The following TARBP1 variants were observed in gnomAD, a reference collection of about 807,000 sequenced individuals.
The protein encoded by TARBP1 is tRNA guanosine 2 -O-methyltransferase TARBP1.
Under a neutral mutation model 178.6 loss-of-function variants are expected in TARBP1, and 144 were observed. The ratio of observed to expected loss-of-function variants is 0.81; its 90% confidence interval spans 0.70 to 0.93. TARBP1 has a LOEUF of 0.93. TARBP1 is among the 40% of genes least tolerant of loss of function. TARBP1 has a pLI of 0.00. For missense variants in TARBP1, 2,067 were observed against 2,011.7 expected (o/e 1.03, Z -0.53); for synonymous variants, 787 against 781.0 (o/e 1.01, Z -0.13).
At chr1:234,417,329 CAG>C (rs1438842358) in intron 22 of TARBP1, among the ~76,000 whole-genome samples, 1 of 151,048 alleles carries the variant, frequency 6.6e-6, no homozygotes, top group Non-Finnish European at 1.5e-5. Flanking sequence ...AAACAGGTCA[CAG>C]GGGATAGATG....
Position 234,459,229 on chromosome 1 carries a change from C to T in TARBP1, c.1632+1G>A. On this transcript the variant is annotated splice_donor_variant, in intron 8 of 29. Transcript: ENST00000040877. LOFTEE classifies it high-confidence loss of function. ...ATGGAAGTAACAAAAGAAAAACTTA[C>T]CACATCTAGCAAATTCATAGCTGTT... 6.2e-7 allele frequency: 1 copy of T among 1,605,430 alleles called. No individual in the cohort carries two copies. The highest frequency in any genetic ancestry group is 1.1e-5 in the South Asian group (1 of 89,106).
At position 234,429,397 on chromosome 1, in the gene TARBP1, A is replaced by C; in HGVS notation, c.2871+19T>G. The C allele has an allele frequency of 1.3e-6, 2 of 1,593,046 alleles. No individual in the cohort carries two copies. Among genetic ancestry groups the C allele is most frequent in the Non-Finnish European group, 8.5e-7 (1 of 1,173,052 alleles). ...CACTCCTATAGTTACTGTTCAATTC[A>C]TGTTTCACTCTATCTTACCTTGGGA... On this transcript the variant is annotated intron_variant, in intron 16 of 29. Coordinates refer to ENST00000040877, the MANE Select transcript of TARBP1 (RefSeq NM_005646.4).
chr1:234,474,376 T>A (rs537062928), intron 1 of TARBP1, among the ~76,000 whole-genome samples: 2 of 149,976 alleles, frequency 1.3e-5, no homozygotes, highest in East Asian at 3.9e-4. Flanking sequence ...TCCAGGAAGT[T>A]CAATATCTAA....
At chr1:234,418,657 G>A (rs1381462524) in intron 21 of TARBP1, among the ~76,000 whole-genome samples, 1 of 152,176 alleles carries the variant, frequency 6.6e-6, no homozygotes, top group Non-Finnish European at 1.5e-5. Context: ...CAGAGGGGCA[G>A]GTCTTGGGCC....
At chr1:234,419,989 A>C (rs1346883340) in intron 21 of TARBP1, among the ~76,000 whole-genome samples, 1 of 152,230 alleles carries the variant, frequency 6.6e-6, no homozygotes, top group Non-Finnish European at 1.5e-5. Context: ...TAGGGAGGAC[A>C]GTAGGAAATT....
chr1:234,446,988 A>G lies in TARBP1; in HGVS notation c.1962-13T>C. On this transcript the variant is annotated splice_polypyrimidine_tract_variant and intron_variant, in intron 11 of 29. Coordinates refer to ENST00000040877, the MANE Select transcript of TARBP1 (RefSeq NM_005646.4). ...TCTCTGCTTTCCGCTAGACATTAAA[A>G]GACATGCCAAAATCAACCATTTCAA... The G allele has an allele frequency of 6.2e-7, 1 of 1,610,644 alleles. No individual in the cohort carries two copies.
At chr1:234,392,792 G>A (rs1659523683) in intron 28 of TARBP1, 1 of 236,642 alleles carries the variant, frequency 4.2e-6, no homozygotes, top group Non-Finnish European at 8.1e-6. Flanking sequence ...CTCACTGCAA[G>A]CTCCGCCTCC....
At chr1:234,452,970 G>A (rs889925349) in intron 9 of TARBP1, among the ~76,000 whole-genome samples, 17 of 152,108 alleles carry the variant, frequency 1.1e-4, no homozygotes, top group African/African-American at 3.6e-4. Context: ...GAAAAGGCTG[G>A]GTCCTGTATG....
Position 234,463,883 on chromosome 1 carries a change from C to T in TARBP1, c.1353G>A (p.Gln451=). Residue 451 remains glutamine (Q), a synonymous_variant, in exon 6 of 30, where the codon CAG becomes CAA. Transcript: ENST00000040877. ...GAGAAATATAAGTGACTAAAAACTT[C>T]TGTAATTTCAGTCCCAATGGAGAAC... ...GSCSPLGLKL[Q]KFLVTYISLL... is the part of the protein sequence containing the mutation. 1 of 1,599,256 alleles carries T rather than the reference C, an allele frequency of 6.3e-7. No homozygotes were observed. Among genetic ancestry groups the T allele is most frequent in the Non-Finnish European group, 8.5e-7 (1 of 1,172,666 alleles).
chr1:234,476,016 T>A (rs1488650984), intron 1 of TARBP1, among the ~76,000 whole-genome samples: 1 of 151,202 alleles, frequency 6.6e-6, no homozygotes, highest in Non-Finnish European at 1.5e-5. Context: ...ACTGTTATTA[T>A]AGTAAGACAT....
At chr1:234,465,514 T>C (rs934056668) in intron 5 of TARBP1, 142 bp downstream of exon 5, 13 of 662,708 alleles carry the variant, frequency 2.0e-5, no homozygotes, top group African/African-American at 1.7e-4. Context: ...GAATAACAGA[T>C]AGAAAAAGGA....
chr1:234,471,137 C>G (rs775177212), intron 3 of TARBP1, 51 bp downstream of exon 3: 26 of 1,360,794 alleles, frequency 1.9e-5, no homozygotes, highest in Middle Eastern at 2.3e-4. Flanking sequence ...GTTACAAAAT[C>G]AGGGGAAAAC....
chr1:234,461,231 GTAAGA>G (rs1667823439), intron 6 of TARBP1, among the ~76,000 whole-genome samples: 1 of 152,202 alleles, frequency 6.6e-6, no homozygotes, highest in African/African-American at 2.4e-5. Context: ...TCCTAGTTTA[GTAAGA>G]TAAGTATTCT....
chr1:234,430,397 T>C (rs1664303505), intron 14 of TARBP1, 96 bp from the exon 15 acceptor site: 1 of 1,092,090 alleles, frequency 9.2e-7, no homozygotes. Context: ...AAGCTCTCCT[T>C]TTCCCTCTTC....
Position 234,420,781 on chromosome 1 carries a change from T to C in TARBP1, c.3476A>G (p.Tyr1159Cys), listed in dbSNP as rs374078938. ...TCTGTGCTGTAGAGAATTCACATAG[T>C]AGCGTTTTTTGGACTTGGACACTAA... is the stretch of plus-strand genomic sequence containing the variant. ...DELVSKSKKRYYVNSLQHRVK... is the reference protein window; with the variant it reads ...DELVSKSKKRCYVNSLQHRVK... The change falls in exon 21 of 30, where the codon TAC (tyrosine) becomes TGC (cysteine). Residue 1159 changes from tyrosine to cysteine, a missense_variant. Tyr to Cys is a radical substitution (Grantham distance 194). Transcript: ENST00000040877. 2.5e-6 allele frequency: 4 copies of C among 1,610,832 alleles called. No homozygotes were observed. The highest frequency in any genetic ancestry group is 2.7e-5 in the African/African-American group (2 of 74,764).
intron 20 of TARBP1, among the ~76,000 whole-genome samples, 166 bp downstream of exon 20, chr1:234,425,505 CCA>C (rs1207500664): frequency 6.6e-6 from 1 of 152,148 alleles, no homozygotes; most frequent in Non-Finnish European, 1.5e-5. Context: ...CAGGCGTGAG[CCA>C]CAGTGTGACC....
At position 234,465,438 on chromosome 1, in the gene TARBP1, C is replaced by T. The variant is rs1668334490; in HGVS notation, c.1301+218G>A. Among the ~76,000 whole-genome samples, 3 of 151,974 alleles carry T rather than the reference C, an allele frequency of 2.0e-5. No individual in the cohort carries two copies. The South Asian group carries it at 6.2e-4, about 32-fold the overall frequency. On this transcript the variant is annotated intron_variant, in intron 5 of 29. Coordinates refer to ENST00000040877, the MANE Select transcript of TARBP1 (RefSeq NM_005646.4). ...CCAACAGCCCAAGAATAGAGCAGCT[C>T]AAGGCAGAAAAAGGAAACAAGAAAA...
At chr1:234,412,679 T>A (rs1284455356) in intron 22 of TARBP1, among the ~76,000 whole-genome samples, 1 of 151,760 alleles carries the variant, frequency 6.6e-6, no homozygotes, top group African/African-American at 2.4e-5. Flanking sequence ...ACACATGAAC[T>A]GAGATGTGAA....
At position 234,479,055 on chromosome 1, in the gene TARBP1, G is replaced by C. The variant is rs776928794; in HGVS notation, c.49C>G (p.Arg17Gly). The change falls in exon 1 of 30, where the codon CGG becomes GGG. Residue 17 changes from arginine (R) to glycine (G), a missense_variant. Arg to Gly is a moderately radical substitution (Grantham distance 125). Transcript: ENST00000040877. ...TGGCACAGCGCCCCAAGCAGGGCCC[G>C]GGGGTCCCGGCTCTGCGAGAGCAGC... ...EALLSQSRDP[R>G]ALLGALCQGE... The C allele has an allele frequency of 1.3e-6, 2 of 1,538,974 alleles. No homozygotes were observed. The highest frequency in any genetic ancestry group is 8.7e-7 in the Non-Finnish European group (1 of 1,155,888).
Sources: allele counts gnomAD v4.1 joint callset (sites outside exome capture counted in the v4.1 genomes callset), GRCh38; gene constraint gnomAD v4.1.1; transcripts MANE v1.5; gene names NCBI Gene and HGNC (gene_info 2026-07-23, HGNC 2026-07-21).